Variants in ATP1B1 observed in about 807,000 individuals in gnomAD.
ATP1B1 encodes ATPase Na+/K+ transporting subunit beta 1.
Under a neutral mutation model 39.6 loss-of-function variants are expected in ATP1B1, and 3 were observed. That is an observed-to-expected ratio of 0.08 (90% confidence interval 0.03 to 0.20). The LOEUF (loss-of-function observed/expected upper bound fraction) is 0.20. ATP1B1 is among the 10% of genes least tolerant of loss of function. The pLI is 1.00. For missense variants in ATP1B1, 216 were observed against 371.1 expected, an observed-to-expected ratio of 0.58 and a Z score of 3.43; for synonymous variants, 139 against 135.0, an observed-to-expected ratio of 1.03 and a Z score of -0.20.
chr1:169,127,339 T>G lies in ATP1B1; in HGVS notation c.498T>G (p.Thr166=). 3 of 1,612,624 alleles carry G rather than the reference T, an allele frequency of 1.9e-6. No individual in the cohort carries two copies. Among genetic ancestry groups the G allele is most frequent in the Non-Finnish European group, 2.5e-6 (3 of 1,179,574 alleles). ...ATTGCTCTGGATTAAATGATGAAACTTATGGCTACAAAGAGGGCAAACCGT... is the reference window on the plus strand; with the variant it reads ...ATTGCTCTGGATTAAATGATGAAACGTATGGCTACAAAGAGGGCAAACCGT... ...LGNCSGLNDE[T]YGYKEGKPCI... The change falls in exon 4 of 6, where the codon ACT becomes ACG. Residue 166 remains threonine, a synonymous_variant. Coordinates refer to ENST00000367815, the MANE Select transcript of ATP1B1 (RefSeq NM_001677.4).
At position 169,110,532 on chromosome 1, in the gene ATP1B1, T is replaced by TGGA. The variant is rs1657704454; in HGVS notation, c.98-837_98-836insGAG. The TGGA allele has an allele frequency of 7.6e-6, 6 of 793,688 alleles. No homozygotes were observed. The Admixed American group carries it at 2.1e-4, about 28-fold the overall frequency. The allele number at this position is 793,688 out of a possible 1,614,324, so 49.2% of individuals were successfully genotyped here. ...GAGATAATCCTTGTAAACCAGTAAC[T>TGGA]GATAGCCACCCTCATTCCCATCTAT... is the stretch of plus-strand genomic sequence containing the variant. On this transcript the variant is annotated intron_variant, in intron 1 of 5. Coordinates refer to ENST00000367815, the MANE Select transcript of ATP1B1 (RefSeq NM_001677.4).
Position 169,128,100 on chromosome 1 carries a change from G to A in ATP1B1, c.567+692G>A, listed in dbSNP as rs145584850. On this transcript the variant is annotated intron_variant, in intron 4 of 5. Coordinates refer to ENST00000367815, the MANE Select transcript of ATP1B1 (RefSeq NM_001677.4). ...TCTCCATAAGAATGGAAAATTTATCGTTGTTGTCTGCTTTTGTAAAGCTGG... is the reference window on the plus strand; with the variant it reads ...TCTCCATAAGAATGGAAAATTTATCATTGTTGTCTGCTTTTGTAAAGCTGG... 1.7e-3 allele frequency among the ~76,000 whole-genome samples: 265 copies of A among 152,206 alleles called. 5 individuals carry two copies. The East Asian group carries it at 0.047, about 27-fold the overall frequency.
Position 169,106,845 on chromosome 1 carries a change from G to A in ATP1B1, c.16G>A (p.Ala6Thr). ...CGCCATCGCCATGGCCCGCGGGAAA[G>A]CCAAGGAGGAGGGCAGCTGGAAGAA... MARGK[A>T]KEEGSWKKFI... Residue 6 changes from alanine to threonine, a missense_variant, in exon 1 of 6, where the codon GCC (alanine) becomes ACC (threonine). Coordinates refer to ENST00000367815, the MANE Select transcript of ATP1B1 (RefSeq NM_001677.4). 2.5e-6 allele frequency: 4 copies of A among 1,583,164 alleles called. No homozygotes were observed. The highest frequency in any genetic ancestry group is 3.4e-6 in the Non-Finnish European group (4 of 1,167,368).
rs1571226166 is a variant in ATP1B1 at position 169,124,812 on chromosome 1, T to C, written c.227-72T>C. 2.6e-6 allele frequency: 4 copies of C among 1,524,726 alleles called. No individual in the cohort carries two copies. The African/African-American group carries it at 5.6e-5, about 21-fold the overall frequency. 94.4% of individuals were successfully genotyped at this position (1,524,726 alleles called of 1,614,324 possible). A position where few individuals can be genotyped will look rare whatever the true frequency, so the allele number is the denominator to read the frequency against. Reference sequence around the variant, plus strand: ...TGGAGTTAGCAAAGTATGTTTTGTATGTGGAAAGTCTACTTTTGAATTGTC... The same window carrying C: ...TGGAGTTAGCAAAGTATGTTTTGTACGTGGAAAGTCTACTTTTGAATTGTC... On this transcript the variant is annotated intron_variant, in intron 2 of 5. Coordinates refer to ENST00000367815, the MANE Select transcript of ATP1B1 (RefSeq NM_001677.4).
chr1:169,122,469 TCTC>T (rs1265408144), intron 2 of ATP1B1, among the ~76,000 whole-genome samples: 1 of 152,230 alleles, frequency 6.6e-6, no homozygotes, highest in African/African-American at 2.4e-5. Flanking sequence ...AGGTATCTCT[TCTC>T]TTTACAATAC....
At chr1:169,118,383 T>C (rs1322650423) in intron 2 of ATP1B1, among the ~76,000 whole-genome samples, 4 of 152,166 alleles carry the variant, frequency 2.6e-5, no homozygotes, top group Non-Finnish European at 5.9e-5. Context: ...AGGGTGTGAA[T>C]GTGACCCTGC....
At chr1:169,118,430 A>G (rs1230875493) in intron 2 of ATP1B1, among the ~76,000 whole-genome samples, 1 of 152,172 alleles carries the variant, frequency 6.6e-6, no homozygotes. Flanking sequence ...CTAATCTCAG[A>G]GCCTGAGTCT....
intron 2 of ATP1B1, among the ~76,000 whole-genome samples, chr1:169,120,300 C>CT (rs1222177949): frequency 6.6e-6 from 1 of 152,128 alleles, no homozygotes; most frequent in Non-Finnish European, 1.5e-5. Flanking sequence ...CCCAGACCAT[C>CT]TGTTTTTTTA....
At position 169,129,973 on chromosome 1, in the gene ATP1B1, T is replaced by C. The variant is rs1326490682; in HGVS notation, c.568-37T>C. The C allele has an allele frequency of 1.9e-6, 3 of 1,584,120 alleles. No homozygotes were observed. The South Asian group carries it at 3.3e-5, about 18-fold the overall frequency. ...TATTTTTCAGAAACTTAAGAAATCATTTACAATCTACTGATCATAATGGGT... is the reference window on the plus strand; with the variant it reads ...TATTTTTCAGAAACTTAAGAAATCACTTACAATCTACTGATCATAATGGGT... On this transcript the variant is annotated intron_variant, in intron 4 of 5. Transcript: ENST00000367815.
chr1:169,132,517 T>A lies in ATP1B1; in HGVS notation c.*962T>A. 1.1e-5 allele frequency: 5 copies of A among 435,724 alleles called. No individual in the cohort carries two copies. The highest frequency in any genetic ancestry group is 2.0e-5 in the Non-Finnish European group (5 of 248,476). 27.0% of individuals were successfully genotyped at this position (435,724 alleles called of 1,614,324 possible). On this transcript the variant is annotated 3_prime_UTR_variant, in exon 6 of 6. Transcript: ENST00000367815. ...GCAAGAAAAAGTGTAATGTATGAAA[T>A]AAACCAAAGTCACTTGTTTGAAAAT...
rs1255617440 is a variant in ATP1B1, at chr1:169,106,795, C to T, written c.-35C>T. On this transcript the variant is annotated 5_prime_UTR_variant, in exon 1 of 6. Transcript: ENST00000367815. ...AGGGCGCGCGCCGCAGCCACCCACC[C>T]TCCGGACCGCGGCAGCTGCTGACCC... The T allele has an allele frequency of 3.2e-6, 5 of 1,548,496 alleles. No homozygotes were observed. The highest frequency in any genetic ancestry group is 2.6e-5 in the East Asian group (1 of 38,632).
chr1:169,124,242 G>GC (rs1658043526), intron 2 of ATP1B1, among the ~76,000 whole-genome samples: 1 of 152,138 alleles, frequency 6.6e-6, no homozygotes, highest in African/African-American at 2.4e-5. Context: ...TATCTGACCG[G>GC]CACTGACATG....
intron 2 of ATP1B1, among the ~76,000 whole-genome samples, chr1:169,117,132 A>G (rs1657865882): frequency 6.6e-6 from 1 of 152,282 alleles, no homozygotes; most frequent in African/African-American, 2.4e-5. Context: ...GTTAGAATAC[A>G]CTGCTTTGTA....
chr1:169,120,042 A>G (rs1337778136), intron 2 of ATP1B1, among the ~76,000 whole-genome samples: 1 of 152,088 alleles, frequency 6.6e-6, no homozygotes, highest in Non-Finnish European at 1.5e-5. Flanking sequence ...AATTAAGACT[A>G]TCCAGAACAG....
At position 169,126,676 on chromosome 1, in the gene ATP1B1, A is replaced by G. The variant is rs957412146; in HGVS notation, c.383-548A>G. ...CAGTGGGCCATGATCATGCTGCCGC[A>G]CTCCAACCTAGGCCACGGAGTGAGA... On this transcript the variant is annotated intron_variant, in intron 3 of 5. Transcript: ENST00000367815. 5.9e-5 allele frequency among the ~76,000 whole-genome samples: 9 copies of G among 152,120 alleles called. No individual in the cohort carries two copies. In the South Asian group the frequency reaches 1.2e-3, roughly 21 times the overall value.
At chr1:169,111,221 T>C in intron 1 of ATP1B1, 149 bp from the exon 2 acceptor site, 1 of 1,025,890 alleles carries the variant, frequency 9.7e-7, no homozygotes, top group South Asian at 1.6e-5. Flanking sequence ...CCTGTGTCAG[T>C]GGGGTGAGGT....
At chr1:169,118,750 C>T (rs1049335901) in intron 2 of ATP1B1, among the ~76,000 whole-genome samples, 9 of 152,044 alleles carry the variant, frequency 5.9e-5, no homozygotes, top group African/African-American at 2.2e-4. Context: ...CTTTTCAACT[C>T]GGAATGTATA....
At position 169,132,103 on chromosome 1, in the gene ATP1B1, C is replaced by G. The variant is rs1658243322; in HGVS notation, c.*548C>G. 1 of 385,634 alleles carries G rather than the reference C, an allele frequency of 2.6e-6. No homozygotes were observed. The highest frequency in any genetic ancestry group is 3.2e-5 in the Admixed American group (1 of 30,968). The allele number at this position is 385,634 out of a possible 1,614,324, so 23.9% of individuals were successfully genotyped here. On this transcript the variant is annotated 3_prime_UTR_variant, in exon 6 of 6. Coordinates refer to ENST00000367815, the MANE Select transcript of ATP1B1 (RefSeq NM_001677.4). ...GAGCATTTTTAACATACTCCATAGT[C>G]TTTTCCTGTGGTGTTAGGTCTTTAT...
chr1:169,119,826 G>C (rs1397112664), intron 2 of ATP1B1, among the ~76,000 whole-genome samples: 1 of 152,090 alleles, frequency 6.6e-6, no homozygotes, highest in African/African-American at 2.4e-5. Flanking sequence ...GTTGGGAACT[G>C]TCTGTAATAA....
Sources: allele counts gnomAD v4.1 joint callset (sites outside exome capture counted in the v4.1 genomes callset), GRCh38; gene constraint gnomAD v4.1.1; transcripts MANE v1.5; gene names NCBI Gene and HGNC (gene_info 2026-07-23, HGNC 2026-07-21).